Variants in SLC11A1 observed in about 807,000 individuals in gnomAD.
SLC11A1 encodes the protein solute carrier family 11 member 1.
In SLC11A1, 59 loss-of-function variants were observed where a neutral mutation model predicts 63.2. That is an observed-to-expected ratio of 0.93 (90% CI 0.76 to 1.16). SLC11A1 has a LOEUF of 1.16. Ranked by LOEUF, SLC11A1 falls within the 50% of genes most tolerant of loss-of-function variation. The probability of loss-of-function intolerance (pLI) is 0.00; values close to 1 mark genes in which losing one functional copy is unlikely to be tolerated. For synonymous variants in SLC11A1, 305 were observed against 307.8 expected (o/e 0.99, Z 0.09); for missense variants, 688 against 730.7 (o/e 0.94, Z 0.67).
chr2:218,386,959 C>T (rs1193882382), intron 5 of SLC11A1: 4 of 646,338 alleles, frequency 6.2e-6, no homozygotes, highest in East Asian at 2.7e-5. Flanking sequence ...CTCCCTGCTG[C>T]GCCGGGTGCC....
intron 9 of SLC11A1, among the ~76,000 whole-genome samples, chr2:218,390,697 A>G (rs1446165640): frequency 6.6e-6 from 1 of 152,170 alleles, no homozygotes; most frequent in Non-Finnish European, 1.5e-5. Context: ...GATCAACATC[A>G]GGACTGCAAA....
At chr2:218,383,873 C>G (rs1483002928) in intron 2 of SLC11A1, 1 of 161,752 alleles carries the variant, frequency 6.2e-6, no homozygotes, top group Non-Finnish European at 1.3e-5. Flanking sequence ...GAGGAGGCCC[C>G]GTGGTCTGAA....
chr2:218,384,492 CGAAAAGGGTCCCCAGGGCAGCCCTGCCA>C lies in SLC11A1; in HGVS notation c.273+131_273+158del. On this transcript the variant is annotated intron_variant, in intron 3 of 14. Coordinates refer to ENST00000233202, the MANE Select transcript of SLC11A1 (RefSeq NM_000578.4). This position sits in a 1 kb window ranked among gnomAD's most constrained non-coding sequence, Gnocchi z 4.0. ...AGCTGGTGTTAAGTTCAAATGGGCC[CGAAAAGGGTCCCCAGGGCAGCCCTGCCA>C]GAAGGTGGGGCATTTGTGTGGGGGG... 1.7e-6 allele frequency: 2 copies of C among 1,184,514 alleles called. No homozygotes were observed. The highest frequency in any genetic ancestry group is 2.3e-6 in the Non-Finnish European group (2 of 866,668). 73.4% of individuals were successfully genotyped at this position (1,184,514 alleles called of 1,614,324 possible).
At position 218,396,847 on chromosome 2, in the gene SLC11A1, T is replaced by C. The variant is rs564878098; in HGVS notation, c.*1812T>C. 15 of 152,588 alleles carry C rather than the reference T, an allele frequency of 9.8e-5. No individual in the cohort carries two copies. Among genetic ancestry groups the C allele is most frequent in the Admixed American group, 3.3e-4 (5 of 15,294 alleles). 9.5% of individuals were successfully genotyped at this position (152,588 alleles called of 1,614,324 possible). On this transcript the variant is annotated 3_prime_UTR_variant, in exon 15 of 15. Coordinates refer to ENST00000233202, the MANE Select transcript of SLC11A1 (RefSeq NM_000578.4). ...CCTCTGCCAGGCTCTGTGTTACAAG[T>C]TGGGGAGGGCGGCAAAGTCCCGAAT...
At position 218,394,621 on chromosome 2, in the gene SLC11A1, G is replaced by A. The variant is rs780693710; in HGVS notation, c.1389-11G>A. ...AACCAGCCAGTCCTGAGCCTCTCTCGTGTCCCCCAGGCTGAACAAGGTCGT... is the reference window on the plus strand; with the variant it reads ...AACCAGCCAGTCCTGAGCCTCTCTCATGTCCCCCAGGCTGAACAAGGTCGT... On this transcript the variant is annotated splice_polypyrimidine_tract_variant and intron_variant, in intron 13 of 14. Coordinates refer to ENST00000233202, the MANE Select transcript of SLC11A1 (RefSeq NM_000578.4). The A allele has an allele frequency of 9.9e-6, 16 of 1,612,606 alleles. No homozygotes were observed. The East Asian group carries it at 1.8e-4, about 18-fold the overall frequency.
chr2:218,389,855 CT>C lies in SLC11A1; in HGVS notation c.796-12del. On this transcript the variant is annotated splice_polypyrimidine_tract_variant and intron_variant, in intron 8 of 14. Transcript: ENST00000233202. ...GAGGGACTTTGGCACTTCCCTCTCC[CT>C]TTGATCTTCGTAGTCTCGAGAGATA... The C allele has an allele frequency of 1.3e-6, 2 of 1,599,898 alleles. No homozygotes were observed. Among genetic ancestry groups the C allele is most frequent in the Non-Finnish European group, 1.7e-6 (2 of 1,172,688 alleles).
intron 3 of SLC11A1, 54 bp from the exon 4 acceptor site, chr2:218,385,093 G>A: frequency 6.2e-7 from 1 of 1,608,318 alleles, no homozygotes; most frequent in East Asian, 2.2e-5. Context: ...ACGAGCTCAG[G>A]GGCTTTCTGA....
intron 8 of SLC11A1, 45 bp from the exon 9 acceptor site, chr2:218,389,825 G>A: frequency 6.4e-7 from 1 of 1,569,724 alleles, no homozygotes; most frequent in Non-Finnish European, 8.6e-7. Context: ...CACTGTGGTG[G>A]CTCTGAGGGA....
At chr2:218,394,012 T>A in intron 12 of SLC11A1, 108 bp from the exon 13 acceptor site, 1 of 1,070,322 alleles carries the variant, frequency 9.3e-7, no homozygotes, top group Non-Finnish European at 1.4e-6. Context: ...GTTAGGGCAG[T>A]TGAGCTCACA....
At chr2:218,385,102 G>A in intron 3 of SLC11A1, 45 bp from the exon 4 acceptor site, 1 of 1,609,974 alleles carries the variant, frequency 6.2e-7, no homozygotes. Flanking sequence ...GGGGCTTTCT[G>A]AGGCTGGCCT....
chr2:218,396,737 A>G lies in SLC11A1; in HGVS notation c.*1702A>G, dbSNP rs1276654979. ...GAGATGGATGGGGGACGTTTAGCGA[A>G]GAAAGGCATCTCCCAGATCCTTTAG... On this transcript the variant is annotated 3_prime_UTR_variant, in exon 15 of 15. Transcript: ENST00000233202. 1.3e-5 allele frequency: 2 copies of G among 152,572 alleles called. No individual in the cohort carries two copies. The highest frequency in any genetic ancestry group is 3.8e-4 in the East Asian group (2 of 5,328). 9.5% of individuals were successfully genotyped at this position (152,572 alleles called of 1,614,324 possible).
chr2:218,390,358 T>C (rs1696356066), intron 9 of SLC11A1, among the ~76,000 whole-genome samples: 2 of 145,660 alleles, frequency 1.4e-5, no homozygotes, highest in African/African-American at 2.6e-5. Flanking sequence ...TAGTTGGGGG[T>C]ATGGGGGTGG....
In SLC11A1 at chr2:218,391,295, C is replaced by T. The variant is rs549362847; in HGVS notation, c.1044+8C>T. ...GTGGACATTTACCAGGGGGTGAGCG[C>T]GGGTGGGTGGGGAGGGCGTGACCCA... is the stretch of plus-strand genomic sequence containing the variant. On this transcript the variant is annotated splice_region_variant and intron_variant, in intron 10 of 14. Transcript: ENST00000233202. 154 of 396,034 alleles carry T rather than the reference C, an allele frequency of 3.9e-4. 1 individual carries two copies. Among genetic ancestry groups the T allele is most frequent in the East Asian group, 2.4e-3 (33 of 13,932 alleles). 24.5% of individuals were successfully genotyped at this position (396,034 alleles called of 1,614,324 possible).
At position 218,394,742 on chromosome 2, in the gene SLC11A1, C is replaced by T. The variant is rs747063589; in HGVS notation, c.1499C>T (p.Ala500Val). The change falls in exon 14 of 15, where the codon GCA (alanine) becomes GTA (valine). Residue 500 changes from alanine (A) to valine (V), a missense_variant. Physicochemically the swap from Ala to Val is moderately conservative, Grantham distance 64. Coordinates refer to ENST00000233202, the MANE Select transcript of SLC11A1 (RefSeq NM_000578.4). ...SLPHPAYFGL[A>V]ALLAAAYLGL... Reference sequence around the variant, plus strand: ...CCCCACCCTGCCTACTTCGGCCTTGCAGCCTTGCTGGCCGCAGCCTACCTG... The same window carrying T: ...CCCCACCCTGCCTACTTCGGCCTTGTAGCCTTGCTGGCCGCAGCCTACCTG... 3.7e-6 allele frequency: 6 copies of T among 1,613,738 alleles called. No individual in the cohort carries two copies. The South Asian group carries it at 5.5e-5, about 15-fold the overall frequency.
intron 4 of SLC11A1, 56 bp from the exon 5 acceptor site, chr2:218,386,579 A>T: frequency 8.0e-7 from 1 of 1,247,184 alleles, no homozygotes; most frequent in Non-Finnish European, 1.2e-6. Flanking sequence ...ATGTAGTCTG[A>T]GACGACAGGC....
chr2:218,388,493 A>C (rs1298878532), intron 8 of SLC11A1: 1 of 152,018 alleles, frequency 6.6e-6, no homozygotes, highest in East Asian at 2.0e-4. Flanking sequence ...CAAGTAAACC[A>C]ACAAAGGAAA....
intron 4 of SLC11A1, 31 bp downstream of exon 4, chr2:218,385,297 C>A: frequency 6.2e-7 from 1 of 1,613,412 alleles, no homozygotes; most frequent in Non-Finnish European, 8.5e-7. Flanking sequence ...CAGGGAGAAC[C>A]ACTGGCCCCA....
chr2:218,394,449 G>A (rs1007345729), intron 13 of SLC11A1, 183 bp from the exon 14 acceptor site: 1 of 743,014 alleles, frequency 1.3e-6, no homozygotes, highest in South Asian at 1.8e-5. Flanking sequence ...CCGCCAGTGT[G>A]TAGCCTGGAG....
intron 11 of SLC11A1, 125 bp downstream of exon 11, chr2:218,391,620 T>G: frequency 8.0e-7 from 1 of 1,244,164 alleles, no homozygotes; most frequent in Non-Finnish European, 1.1e-6. Flanking sequence ...TTTTTTTTGT[T>G]TTTGTTTTTG....
Sources: allele counts gnomAD v4.1 joint callset (sites outside exome capture counted in the v4.1 genomes callset), GRCh38; gene constraint gnomAD v4.1.1; non-coding constraint Gnocchi (gnomAD v3.1); transcripts MANE v1.5; gene names NCBI Gene and HGNC (gene_info 2026-07-23, HGNC 2026-07-21).